POU2F1: variants seen among roughly 807,000 people sequenced by gnomAD.
POU2F1 encodes POU domain, class 2, transcription factor 1.
A neutral mutation model predicts 84.9 loss-of-function variants in POU2F1; 16 were observed. That is an observed-to-expected ratio of 0.19 (90% CI 0.13 to 0.29). The LOEUF is 0.29. POU2F1 is among the 10% of genes least tolerant of loss of function. The probability of loss-of-function intolerance (pLI) is 1.00; values close to 1 mark genes in which losing one functional copy is unlikely to be tolerated. For missense variants in POU2F1, 738 were observed against 942.6 expected, an observed-to-expected ratio of 0.78 and a Z score of 2.84; for synonymous variants, 368 against 368.3, an observed-to-expected ratio of 1.00 and a Z score of 0.01.
intron 1 of POU2F1, among the ~76,000 whole-genome samples, chr1:167,265,698 AC>A (rs1160703089): frequency 3.0e-5 from 4 of 134,986 alleles, no homozygotes; most frequent in East Asian, 4.6e-4. Context: ...ACCCTCCCCC[AC>A]CCCCCAACAT....
chr1:167,241,900 A>C (rs1649935021), intron 1 of POU2F1, among the ~76,000 whole-genome samples: 1 of 152,230 alleles, frequency 6.6e-6, no homozygotes, highest in Admixed American at 6.5e-5. Context: ...TGCTAACTTT[A>C]GTTGACTAAA....
At chr1:167,301,070 G>A (rs1334170357) in intron 1 of POU2F1, among the ~76,000 whole-genome samples, 1 of 152,084 alleles carries the variant, frequency 6.6e-6, no homozygotes, top group East Asian at 1.9e-4. Flanking sequence ...GTGCCCAGCT[G>A]TAAAAACTCT....
intron 2 of POU2F1, among the ~76,000 whole-genome samples, chr1:167,341,420 C>G (rs1299547246): frequency 6.6e-6 from 1 of 151,878 alleles, no homozygotes; most frequent in Admixed American, 6.6e-5. Context: ...TTTTTTTCAT[C>G]TGAATTATGA....
At chr1:167,302,057 A>G (rs926361150) in intron 1 of POU2F1, among the ~76,000 whole-genome samples, 1 of 151,946 alleles carries the variant, frequency 6.6e-6, no homozygotes, top group Non-Finnish European at 1.5e-5. Flanking sequence ...AAAAACAAAA[A>G]CAACTCCTTT....
intron 15 of POU2F1, chr1:167,414,244 A>G (rs992907919): frequency 1.1e-6 from 1 of 873,016 alleles, no homozygotes; most frequent in African/African-American, 1.8e-5. Context: ...TTTTTTTGCA[A>G]TAGAATTTGT....
intron 1 of POU2F1, among the ~76,000 whole-genome samples, chr1:167,224,359 T>A (rs1372347864): frequency 6.6e-6 from 1 of 152,120 alleles, no homozygotes; most frequent in Non-Finnish European, 1.5e-5. Context: ...TAAAGCAGAG[T>A]TGAGAATGAG....
chr1:167,397,251 A>G (rs1339936217), intron 10 of POU2F1, among the ~76,000 whole-genome samples: 2 of 152,190 alleles, frequency 1.3e-5, no homozygotes, highest in African/African-American at 4.8e-5. Context: ...TAAATATTTC[A>G]TTTGTTTCTT....
intron 1 of POU2F1, among the ~76,000 whole-genome samples, chr1:167,306,975 G>A (rs1311002553): frequency 6.6e-6 from 1 of 152,192 alleles, no homozygotes; most frequent in African/African-American, 2.4e-5. Context: ...TGTCTCGTAA[G>A]TAGGAAAGTT....
At chr1:167,305,547 C>A (rs904079743) in intron 1 of POU2F1, among the ~76,000 whole-genome samples, 4 of 152,120 alleles carry the variant, frequency 2.6e-5, no homozygotes, top group Admixed American at 2.6e-4. Flanking sequence ...ATCATGTAAC[C>A]GTTTATTCCT....
At chr1:167,358,126 T>C (rs1346792588) in intron 2 of POU2F1, among the ~76,000 whole-genome samples, 2 of 134,070 alleles carry the variant, frequency 1.5e-5, no homozygotes, top group African/African-American at 2.8e-5. Flanking sequence ...TCTTTTCTTT[T>C]TTTTTTTTTT....
At chr1:167,384,968 C>T (rs1192000619) in intron 8 of POU2F1, among the ~76,000 whole-genome samples, 5 of 151,704 alleles carry the variant, frequency 3.3e-5, no homozygotes, top group African/African-American at 1.2e-4. Flanking sequence ...AAGGAATCTA[C>T]CAAAAAAAGC....
At chr1:167,268,075 G>A (rs994534704) in intron 1 of POU2F1, among the ~76,000 whole-genome samples, 3 of 151,980 alleles carry the variant, frequency 2.0e-5, no homozygotes, top group African/African-American at 7.3e-5. Flanking sequence ...CCTTCAGCTG[G>A]GAAATCACTT....
At chr1:167,290,137 T>C (rs1653821743) in intron 1 of POU2F1, among the ~76,000 whole-genome samples, 1 of 152,148 alleles carries the variant, frequency 6.6e-6, no homozygotes. Flanking sequence ...ATGCCTGTAA[T>C]CCCAGCAGTT....
At chr1:167,270,255 T>G (rs930119335) in intron 1 of POU2F1, among the ~76,000 whole-genome samples, 4 of 152,176 alleles carry the variant, frequency 2.6e-5, no homozygotes, top group Non-Finnish European at 5.9e-5. Flanking sequence ...TAAGAATTTC[T>G]TATATTAAAA....
At chr1:167,382,499 G>A (rs1002967455) in intron 7 of POU2F1, among the ~76,000 whole-genome samples, 3 of 152,188 alleles carry the variant, frequency 2.0e-5, no homozygotes, top group African/African-American at 7.2e-5. Flanking sequence ...GACAGGGCCA[G>A]ATACCTAGGG....
Position 167,383,940 on chromosome 1 carries a change from C to G in POU2F1, c.802C>G (p.Leu268Val). 2 of 1,613,066 alleles carry G rather than the reference C, an allele frequency of 1.2e-6. No homozygotes were observed. The highest frequency in any genetic ancestry group is 1.7e-6 in the Non-Finnish European group (2 of 1,179,294). ...NLLQSQPSIT[L>V]TSQPATPTRT... ...CCTACAGTCGCAGCCAAGCATCACC[C>G]TCACCTCCCAGGTCAGTTTTCTTCT... The change falls in exon 8 of 16, where the codon CTC becomes GTC. Residue 268 changes from leucine (L) to valine (V), a missense_variant. Leu to Val is a conservative substitution (Grantham distance 32). Transcript: ENST00000367866.
chr1:167,407,254 T>A (rs1220203254), intron 13 of POU2F1, among the ~76,000 whole-genome samples: 3 of 152,124 alleles, frequency 2.0e-5, no homozygotes, highest in Non-Finnish European at 4.4e-5. Flanking sequence ...GGTCTCGAAC[T>A]CCTGGGCTCA....
At chr1:167,321,080 T>C (rs1557892672) in intron 1 of POU2F1, among the ~76,000 whole-genome samples, 2 of 152,216 alleles carry the variant, frequency 1.3e-5, no homozygotes, top group Non-Finnish European at 2.9e-5. Context: ...GGAGCTATAA[T>C]TAAACCAGCA....
At chr1:167,237,772 A>ATTTTTTTTTT (rs1216931950) in intron 1 of POU2F1, among the ~76,000 whole-genome samples, 1 of 29,958 alleles carries the variant, frequency 3.3e-5, no homozygotes, top group African/African-American at 1.5e-4. Context: ...ATATATATAT[A>ATTTTTTTTTT]TTTTTTTTTT....
Sources: allele counts gnomAD v4.1 joint callset (sites outside exome capture counted in the v4.1 genomes callset), GRCh38; gene constraint gnomAD v4.1.1; transcripts MANE v1.5; gene names NCBI Gene and HGNC (gene_info 2026-07-23, HGNC 2026-07-21).